Variants in TXNDC12 observed in about 807,000 individuals in gnomAD.
The protein encoded by TXNDC12 is thioredoxin domain containing 12.
In TXNDC12, 22 loss-of-function variants were observed where a neutral mutation model predicts 24.2. That is an observed-to-expected ratio of 0.91 (90% CI 0.65 to 1.30). The LOEUF is 1.30. TXNDC12 is among the 50% of genes most tolerant of loss of function. TXNDC12 has a pLI of 0.00. For synonymous variants in TXNDC12, 58 were observed against 73.4 expected (o/e 0.79, Z 1.07); for missense variants, 184 against 205.8 (o/e 0.89, Z 0.65).
At chr1:52,030,946 A>C (rs914546602) in intron 2 of TXNDC12, among the ~76,000 whole-genome samples, 6 of 152,202 alleles carry the variant, frequency 3.9e-5, no homozygotes, top group Non-Finnish European at 8.8e-5. Flanking sequence ...TACCATCTAT[A>C]AGTAGCAACA....
In TXNDC12 at chr1:52,041,537, C is replaced by T. The variant is rs767685706; in HGVS notation, c.158G>A (p.Ser53Asn). Residue 53 changes from serine to asparagine, a missense_variant and splice_region_variant, in exon 2 of 7, where the codon AGT becomes AAT. By Grantham distance (46) the Ser-to-Asn change is conservative. Coordinates refer to ENST00000371626, the MANE Select transcript of TXNDC12 (RefSeq NM_015913.4). ...AATGACCTAAAACCATGTCTTGTACCTGGCAGCTGCTTCTTTCTTCCCATC... is the reference window on the plus strand; with the variant it reads ...AATGACCTAAAACCATGTCTTGTACTTGGCAGCTGCTTCTTTCTTCCCATC... Reference protein sequence around the residue: ...LEDGKKEAAASGLPLMVIIHK... With the variant: ...LEDGKKEAAANGLPLMVIIHK... The T allele has an allele frequency of 9.3e-5, 150 of 1,609,942 alleles. No individual in the cohort carries two copies. The highest frequency in any genetic ancestry group is 1.2e-4 in the Non-Finnish European group (146 of 1,176,956).
chr1:52,035,576 G>T (rs1307709648), intron 2 of TXNDC12, among the ~76,000 whole-genome samples: 1 of 152,024 alleles, frequency 6.6e-6, no homozygotes, highest in Non-Finnish European at 1.5e-5. Context: ...AGTCGGGTGG[G>T]GTAGCGTGTG....
chr1:52,028,486 GT>G, intron 3 of TXNDC12, 91 bp downstream of exon 3: 1 of 991,100 alleles, frequency 1.0e-6, no homozygotes, highest in South Asian at 1.4e-5. Context: ...ACAGTCAGTA[GT>G]GCTGGGCCAG....
In TXNDC12 at chr1:52,020,736, A is replaced by T. The variant is rs181768012; in HGVS notation, c.*197T>A. On this transcript the variant is annotated 3_prime_UTR_variant, in exon 7 of 7. Coordinates refer to ENST00000371626, the MANE Select transcript of TXNDC12 (RefSeq NM_015913.4). Reference sequence around the variant, plus strand: ...AGGGAAAAGGAGAAGAAAGTCTGCCACTCTCCGCTGGATCCACAAACATGC... The same window carrying T: ...AGGGAAAAGGAGAAGAAAGTCTGCCTCTCTCCGCTGGATCCACAAACATGC... 3.9e-6 allele frequency: 2 copies of T among 512,526 alleles called. No homozygotes were observed. The highest frequency in any genetic ancestry group is 3.9e-5 in the African/African-American group (2 of 51,642). The allele number at this position is 512,526 out of a possible 1,614,324, so 31.7% of individuals were successfully genotyped here.
chr1:52,047,925 G>T (rs1245335408), intron 1 of TXNDC12, among the ~76,000 whole-genome samples: 1 of 151,740 alleles, frequency 6.6e-6, no homozygotes, highest in Non-Finnish European at 1.5e-5. Flanking sequence ...TAAAAGAAAA[G>T]AACTAGAATG....
rs1297675960 is a variant in TXNDC12 at position 52,055,015 on chromosome 1, T to C, written c.82A>G (p.Asn28Asp). ...GCGGTCTGACCCTTTCCAAGCCCAT[T>C]ATGTCCATCAGAAGAGATGACGAGG... ...LLLVISSDGH[N>D]GLGKGFGDHI... Residue 28 changes from asparagine (N) to aspartate (D), a missense_variant, in exon 1 of 7, where the codon AAT (asparagine) becomes GAT (aspartate). Coordinates refer to ENST00000371626, the MANE Select transcript of TXNDC12 (RefSeq NM_015913.4). 2.5e-6 allele frequency: 4 copies of C among 1,613,768 alleles called. No individual in the cohort carries two copies. The highest frequency in any genetic ancestry group is 2.7e-5 in the African/African-American group (2 of 75,000).
intron 6 of TXNDC12, among the ~76,000 whole-genome samples, chr1:52,021,401 C>T (rs967619105): frequency 6.6e-6 from 1 of 151,496 alleles, no homozygotes; most frequent in Non-Finnish European, 1.5e-5. Context: ...TTCCTACCGT[C>T]CCCATTGTAT....
chr1:52,033,237 C>T, intron 2 of TXNDC12: 2 of 1,614,066 alleles, frequency 1.2e-6, no homozygotes, highest in Non-Finnish European at 1.7e-6. Context: ...ATTCTTCTCG[C>T]TCCAGTTCCT....
At position 52,033,940 on chromosome 1, in the gene TXNDC12, A is replaced by G. The variant is rs938713139; in HGVS notation, c.159-5310T>C. ...AGGCCCAGGTTCAGCTTTCTCAGAA[A>G]GGAGATACAGAGACTATAATGGCAT... On this transcript the variant is annotated intron_variant, in intron 2 of 6. Transcript: ENST00000371626. 14 of 1,429,190 alleles carry G rather than the reference A, an allele frequency of 9.8e-6. No individual in the cohort carries two copies. In the East Asian group the frequency reaches 3.5e-4, roughly 36 times the overall value. The allele number at this position is 1,429,190 out of a possible 1,614,324, so 88.5% of individuals were successfully genotyped here. A position where few individuals can be genotyped will look rare whatever the true frequency, so the allele number is the denominator to read the frequency against.
chr1:52,033,827 T>G, intron 2 of TXNDC12: 1 of 1,476,782 alleles, frequency 6.8e-7, no homozygotes, highest in African/African-American at 1.4e-5. Context: ...GTCTCCGACG[T>G]AAGCCGGAAG....
intron 1 of TXNDC12, among the ~76,000 whole-genome samples, chr1:52,049,325 G>T (rs982192462): frequency 1.3e-5 from 2 of 152,096 alleles, no homozygotes; most frequent in African/African-American, 4.8e-5. Flanking sequence ...GTCCACTGTG[G>T]CTGGGCGTGG....
chr1:52,043,533 TTTAC>T (rs1313346004), intron 1 of TXNDC12, among the ~76,000 whole-genome samples: 1 of 152,230 alleles, frequency 6.6e-6, no homozygotes, highest in Non-Finnish European at 1.5e-5. Context: ...ATAACCCAGT[TTTAC>T]TTAATCTCTG....
chr1:52,051,124 A>C (rs908695471), intron 1 of TXNDC12, among the ~76,000 whole-genome samples: 13 of 152,224 alleles, frequency 8.5e-5, no homozygotes, highest in Non-Finnish European at 1.8e-4. Flanking sequence ...ATACATGAAA[A>C]ATGCACACAA....
chr1:52,055,903 A>G (rs1422414311), upstream of TXNDC12: 1 of 152,204 alleles, frequency 6.6e-6, no homozygotes, highest in Non-Finnish European at 1.5e-5. Flanking sequence ...TTGTAGCTTG[A>G]GGATTTCTTC....
At position 52,020,474 on chromosome 1, in the gene TXNDC12, C is replaced by G. The variant is rs1685576654; in HGVS notation, c.*459G>C. On this transcript the variant is annotated 3_prime_UTR_variant, in exon 7 of 7. Coordinates refer to ENST00000371626, the MANE Select transcript of TXNDC12 (RefSeq NM_015913.4). ...TAGGGGGTAGAATAACTGATTTACA[C>G]TTAGGATTTATTGTTATTGTTGTTG... The G allele has an allele frequency of 8.4e-6, 2 of 238,736 alleles. No individual in the cohort carries two copies. The highest frequency in any genetic ancestry group is 8.3e-6 in the Non-Finnish European group (1 of 121,174). 14.8% of individuals were successfully genotyped at this position (238,736 alleles called of 1,614,324 possible). A position where few individuals can be genotyped will look rare whatever the true frequency, so the allele number is the denominator to read the frequency against.
intron 1 of TXNDC12, among the ~76,000 whole-genome samples, chr1:52,051,143 G>A (rs574164652): frequency 5.3e-5 from 8 of 152,282 alleles, no homozygotes; most frequent in African/African-American, 1.9e-4. Context: ...AACAGCACCT[G>A]GAGGATAGTA....
In TXNDC12 at chr1:52,027,277, C is replaced by T. The variant is rs1380181050; in HGVS notation, c.283G>A (p.Glu95Lys). ...AGGAGAAACTCTCAAAGTCTTACCT[C>T]AAGATTTACCATAACAAAATTATGG... Reference protein sequence around the residue: ...LSHNFVMVNLEDEEEPKDEDF... With the variant: ...LSHNFVMVNLKDEEEPKDEDF... Residue 95 changes from glutamate to lysine, a missense_variant and splice_region_variant, in exon 4 of 7, where the codon GAG becomes AAG. Glu to Lys is a moderately conservative substitution (Grantham distance 56, BLOSUM62 1). Coordinates refer to ENST00000371626, the MANE Select transcript of TXNDC12 (RefSeq NM_015913.4). The T allele has an allele frequency of 6.2e-7, 1 of 1,609,128 alleles. No homozygotes were observed. The highest frequency in any genetic ancestry group is 2.2e-5 in the East Asian group (1 of 44,776).
chr1:52,033,570 G>A, intron 2 of TXNDC12: 1 of 1,613,754 alleles, frequency 6.2e-7, no homozygotes, highest in Non-Finnish European at 8.5e-7. Flanking sequence ...GTTCCACGGA[G>A]GCTCGCAGAG....
intron 1 of TXNDC12, among the ~76,000 whole-genome samples, chr1:52,051,182 C>T (rs1380393389): frequency 6.6e-6 from 1 of 152,192 alleles, no homozygotes; most frequent in Non-Finnish European, 1.5e-5. Context: ...GTCACTACTT[C>T]TCCCCATGGG....
Sources: gnomAD v4.1 joint callset for allele counts (sites outside exome capture counted in the v4.1 genomes callset) on GRCh38, gnomAD v4.1.1 for gene constraint, MANE v1.5 for transcripts, NCBI Gene and HGNC (gene_info 2026-07-23, HGNC 2026-07-21) for gene names.